SORCS1: variants seen among roughly 807,000 people sequenced by gnomAD.
The protein encoded by SORCS1 is VPS10 domain-containing receptor SorCS1.
A neutral mutation model predicts 146.1 loss-of-function variants in SORCS1; 60 were observed. That is an observed-to-expected ratio of 0.41 (90% confidence interval 0.33 to 0.51). The LOEUF (loss-of-function observed/expected upper bound fraction) is 0.51. Ranked by LOEUF, SORCS1 falls within the 20% of genes least tolerant of loss-of-function variation. The probability of loss-of-function intolerance (pLI) is 0.21; values close to 1 mark genes in which losing one functional copy is unlikely to be tolerated. For synonymous variants in SORCS1, 637 were observed against 584.0 expected (o/e 1.09, Z -1.31); for missense variants, 1,352 against 1,487.6 (o/e 0.91, Z 1.50).
chr10:107,069,091 CA>C (rs143384990), intron 1 of SORCS1, among the ~76,000 whole-genome samples: 3,449 of 152,178 alleles, frequency 0.023, 119 homozygotes, highest in African/African-American at 0.077. Flanking sequence ...GTTCTCAATC[CA>C]AAATGTGTGT....
rs540714691 is a variant in SORCS1 at position 106,858,584 on chromosome 10, G to A, written c.627-28911C>T. Among the ~76,000 whole-genome samples the A allele has an allele frequency of 1.7e-4, 24 of 140,432 alleles. No homozygotes were observed. In the South Asian group the frequency reaches 4.3e-3, roughly 25 times the overall value. 92.1% of individuals were successfully genotyped at this position (140,432 alleles called of 152,430 possible). A position where few individuals can be genotyped will look rare whatever the true frequency, so the allele number is the denominator to read the frequency against. ...GATTGCACCACTGCACTCCAGCCTG[G>A]GAGACAGAGCAAGCCTCTGTCTCAA... On this transcript the variant is annotated intron_variant, in intron 2 of 25. Coordinates refer to ENST00000263054, the MANE Select transcript of SORCS1 (RefSeq NM_052918.5).
chr10:107,036,520 C>T (rs1408650527), intron 1 of SORCS1, among the ~76,000 whole-genome samples: 1 of 152,150 alleles, frequency 6.6e-6, no homozygotes, highest in African/African-American at 2.4e-5. Context: ...GAGTTGATGA[C>T]ACTGGCATAA....
At chr10:106,588,560 C>T (rs569053292) in intron 24 of SORCS1, among the ~76,000 whole-genome samples, 78 of 152,126 alleles carry the variant, frequency 5.1e-4, no homozygotes, top group Admixed American at 4.9e-3. Context: ...CAGAAACTTG[C>T]TAAAAATGAA....
chr10:106,997,786 T>TC (rs1957060521), intron 1 of SORCS1, among the ~76,000 whole-genome samples: 1 of 152,182 alleles, frequency 6.6e-6, no homozygotes, highest in African/African-American at 2.4e-5. Flanking sequence ...ACCATGCTTC[T>TC]CCTTGGTGAA....
intron 1 of SORCS1, among the ~76,000 whole-genome samples, chr10:107,084,278 T>C (rs1963594921): frequency 6.6e-6 from 1 of 150,634 alleles, no homozygotes; most frequent in South Asian, 2.1e-4. Context: ...TTTTTTTTTT[T>C]TGTATTTTTA....
At chr10:106,753,544 G>A (rs1214434075) in intron 5 of SORCS1, among the ~76,000 whole-genome samples, 5 of 151,902 alleles carry the variant, frequency 3.3e-5, no homozygotes, top group East Asian at 1.9e-4. Flanking sequence ...AGAGAGAGAG[G>A]CTATTTTATA....
Position 106,577,247 on chromosome 10 carries a change from CT to C in SORCS1, c.*172del. On this transcript the variant is annotated 3_prime_UTR_variant, in exon 26 of 26. Coordinates refer to ENST00000263054, the MANE Select transcript of SORCS1 (RefSeq NM_052918.5). ...CAAACATTTACATAGGTAGGGATTT[CT>C]TTTGTGCTTTGATTCTCAGCAACTA... 5 of 1,597,128 alleles carry C rather than the reference CT, an allele frequency of 3.1e-6. No homozygotes were observed. The highest frequency in any genetic ancestry group is 4.3e-6 in the Non-Finnish European group (5 of 1,169,908).
intron 1 of SORCS1, among the ~76,000 whole-genome samples, chr10:107,100,680 G>C (rs1964863786): frequency 6.6e-6 from 1 of 152,128 alleles, no homozygotes; most frequent in Admixed American, 6.5e-5. Flanking sequence ...CCAGTTCTAA[G>C]CAAGGACTTT....
intron 2 of SORCS1, among the ~76,000 whole-genome samples, chr10:106,894,145 T>A (rs1364106545): frequency 6.6e-6 from 1 of 152,244 alleles, no homozygotes; most frequent in Non-Finnish European, 1.5e-5. Flanking sequence ...TTTGATCATG[T>A]GACATATTTT....
intron 2 of SORCS1, among the ~76,000 whole-genome samples, chr10:106,914,882 A>G (rs76605528): frequency 0.019 from 2,879 of 152,176 alleles, 40 homozygotes; most frequent in Middle Eastern, 0.031. Context: ...CATGCTCAAC[A>G]TTGATCTTGG....
At chr10:106,832,155 T>C (rs1311764960) in intron 2 of SORCS1, among the ~76,000 whole-genome samples, 1 of 151,726 alleles carries the variant, frequency 6.6e-6, no homozygotes, top group Non-Finnish European at 1.5e-5. Flanking sequence ...AAGAATTCTT[T>C]CCTAGCCCAG....
chr10:106,972,614 C>G (rs1371090922), intron 1 of SORCS1, among the ~76,000 whole-genome samples: 2 of 151,704 alleles, frequency 1.3e-5, no homozygotes, highest in Non-Finnish European at 1.5e-5. Context: ...TCTGAACAGT[C>G]TGAGTCCAAA....
chr10:107,099,186 A>G (rs1964746497), intron 1 of SORCS1, among the ~76,000 whole-genome samples: 1 of 152,244 alleles, frequency 6.6e-6, no homozygotes, highest in Non-Finnish European at 1.5e-5. Context: ...TGATTGGCAG[A>G]TAAAAGTTTT....
At chr10:106,713,198 T>C (rs1249277239) in intron 6 of SORCS1, among the ~76,000 whole-genome samples, 1 of 152,232 alleles carries the variant, frequency 6.6e-6, no homozygotes, top group Admixed American at 6.5e-5. Flanking sequence ...ACCCATTTCC[T>C]AATGACATCA....
At chr10:106,694,390 G>T in intron 9 of SORCS1, among the ~76,000 whole-genome samples, 1 of 152,116 alleles carries the variant, frequency 6.6e-6, no homozygotes. Context: ...CTCCCAAGTA[G>T]CTGGGACTTC....
At chr10:106,892,824 A>C (rs748911953) in intron 2 of SORCS1, among the ~76,000 whole-genome samples, 27 of 152,160 alleles carry the variant, frequency 1.8e-4, no homozygotes, top group Non-Finnish European at 3.5e-4. Context: ...GAAAAATTTT[A>C]ACTGTATTTT....
chr10:106,958,034 T>C (rs764934), intron 1 of SORCS1, among the ~76,000 whole-genome samples: 109,775 of 152,064 alleles, frequency 0.72, 39,801 homozygotes, highest in East Asian at 0.84. Context: ...CCCTTCCCGT[T>C]ACAGCTGCTC....
intron 1 of SORCS1, among the ~76,000 whole-genome samples, chr10:107,122,066 G>A (rs1966443290): frequency 6.6e-6 from 1 of 152,176 alleles, no homozygotes; most frequent in South Asian, 2.1e-4. Flanking sequence ...GTGACCCTCT[G>A]TACTTAGTGC....
At chr10:107,014,576 A>C in intron 1 of SORCS1, among the ~76,000 whole-genome samples, 1 of 141,826 alleles carries the variant, frequency 7.1e-6, no homozygotes, top group Non-Finnish European at 1.6e-5. Flanking sequence ...TTATAGCAGC[A>C]GTTCTCAAAG....
Sources: gnomAD v4.1 joint callset for allele counts (sites outside exome capture counted in the v4.1 genomes callset) on GRCh38, gnomAD v4.1.1 for gene constraint, MANE v1.5 for transcripts, NCBI Gene and HGNC (gene_info 2026-07-23, HGNC 2026-07-21) for gene names.